Variants in DOCK8 observed in about 807,000 individuals in gnomAD.
DOCK8 encodes dedicator of cytokinesis 8.
A neutral mutation model predicts 245.6 loss-of-function variants in DOCK8; 141 were observed. That is an observed-to-expected ratio of 0.57 (90% CI 0.50 to 0.66). The LOEUF (loss-of-function observed/expected upper bound fraction) is 0.66, where lower values mean the gene tolerates loss of function less well. DOCK8 is among the 30% of genes least tolerant of loss of function. The pLI, the probability that DOCK8 is intolerant of heterozygous loss-of-function variation, is 0.00. For missense variants in DOCK8, 2,965 were observed against 2,603.4 expected, an observed-to-expected ratio of 1.14 and a Z score of -3.02; for synonymous variants, 1,168 against 970.2, an observed-to-expected ratio of 1.20 and a Z score of -3.79.
At chr9:322,997 G>C (rs1425688309) in intron 7 of DOCK8, among the ~76,000 whole-genome samples, 1 of 151,452 alleles carries the variant, frequency 6.6e-6, no homozygotes, top group Non-Finnish European at 1.5e-5. Context: ...GGAGGCTGAG[G>C]CCGAAGAATC....
intron 1 of DOCK8, among the ~76,000 whole-genome samples, chr9:245,551 A>G (rs2131433878): frequency 6.6e-6 from 1 of 152,194 alleles, no homozygotes; most frequent in South Asian, 2.1e-4. Context: ...CCCTCAGAAT[A>G]CATCTCTAAT....
intron 7 of DOCK8, among the ~76,000 whole-genome samples, chr9:322,739 G>A (rs930928620): frequency 2.6e-5 from 4 of 152,174 alleles, no homozygotes; most frequent in Non-Finnish European, 2.9e-5. Flanking sequence ...GTAGTAGGGA[G>A]TAAACAATTA....
intron 1 of DOCK8, among the ~76,000 whole-genome samples, chr9:250,183 G>C (rs975939381): frequency 2.0e-5 from 3 of 152,250 alleles, no homozygotes; most frequent in Non-Finnish European, 2.9e-5. Flanking sequence ...GAGGGCAAGA[G>C]AGGGCTGAGT....
At chr9:377,450 A>C (rs953476765) in intron 20 of DOCK8, among the ~76,000 whole-genome samples, 3 of 152,222 alleles carry the variant, frequency 2.0e-5, no homozygotes, top group African/African-American at 7.2e-5. Context: ...AACTTTATTA[A>C]ATGATTATAG....
rs1185078111 is a variant in DOCK8 at position 271,698 on chromosome 9, T to G, written c.125T>G (p.Ile42Arg). The G allele has an allele frequency of 6.4e-7, 1 of 1,551,884 alleles. No individual in the cohort carries two copies. The highest frequency in any genetic ancestry group is 1.4e-5 in the African/African-American group (1 of 73,168). Reference sequence around the variant, plus strand: ...CTTGGCCAGTACCATCGACAGAGCATAAGTACCTCTGGCTTCCCCTCTCTT... The same window carrying G: ...CTTGGCCAGTACCATCGACAGAGCAGAAGTACCTCTGGCTTCCCCTCTCTT... ...PNLGQYHRQS[I>R]STSGFPSLQL... Residue 42 changes from isoleucine to arginine, a missense_variant, in exon 2 of 48, where the codon ATA becomes AGA. Ile to Arg is a moderately conservative substitution (Grantham distance 97). Transcript: ENST00000432829.
chr9:415,687 C>T (rs75155155), intron 29 of DOCK8, among the ~76,000 whole-genome samples: 25,750 of 148,980 alleles, frequency 0.17, 2,906 homozygotes, highest in East Asian at 0.51. Flanking sequence ...CGTGTGTGCG[C>T]GCGTGCACAC....
At chr9:292,387 C>CAAAAA (rs5895837) in intron 4 of DOCK8, among the ~76,000 whole-genome samples, 1,015 of 63,036 alleles carry the variant, frequency 0.016, 268 homozygotes, top group Non-Finnish European at 0.019. Flanking sequence ...AACTCCGTCT[C>CAAAAA]AAAAAAAAAA....
chr9:396,710 T>C, intron 24 of DOCK8, 75 bp from the exon 25 acceptor site: 2 of 1,585,882 alleles, frequency 1.3e-6, no homozygotes, highest in Non-Finnish European at 1.7e-6. Flanking sequence ...TTTCTGTGAG[T>C]CTTTCCCCCT....
At chr9:402,517 C>T (rs2131505669) in intron 26 of DOCK8, among the ~76,000 whole-genome samples, 1 of 152,320 alleles carries the variant, frequency 6.6e-6, no homozygotes, top group Non-Finnish European at 1.5e-5. Flanking sequence ...GGCACTCAGG[C>T]CTCAGAAGGT....
At chr9:403,369 G>C (rs555254851) in intron 26 of DOCK8, among the ~76,000 whole-genome samples, 1 of 152,228 alleles carries the variant, frequency 6.6e-6, no homozygotes, top group Non-Finnish European at 1.5e-5. Context: ...CAATGTGCTG[G>C]TGGCTCCACT....
chr9:274,606 C>T (rs16926817), intron 2 of DOCK8, among the ~76,000 whole-genome samples: 4 of 151,588 alleles, frequency 2.6e-5, no homozygotes, highest in Non-Finnish European at 4.4e-5. Context: ...GTCATCGTCC[C>T]GAATGAAGGT....
chr9:216,124 G>A (rs561921), intron 1 of DOCK8, among the ~76,000 whole-genome samples: 125,059 of 152,206 alleles, frequency 0.82, 52,150 homozygotes, highest in East Asian at 0.96. Flanking sequence ...CACTTGATAC[G>A]TGACTGCCAG....
At chr9:403,193 A>G (rs1441625727) in intron 26 of DOCK8, among the ~76,000 whole-genome samples, 1 of 152,144 alleles carries the variant, frequency 6.6e-6, no homozygotes, top group Non-Finnish European at 1.5e-5. Flanking sequence ...CCAGCCTGAA[A>G]TGTCTGTCTT....
chr9:425,378 A>G (rs1271604727), intron 33 of DOCK8, among the ~76,000 whole-genome samples: 3 of 152,022 alleles, frequency 2.0e-5, no homozygotes, highest in Non-Finnish European at 2.9e-5. Flanking sequence ...TAAAAATACA[A>G]AAAAGTAGCC....
chr9:268,168 C>A (rs771622242), intron 1 of DOCK8: 2 of 152,184 alleles, frequency 1.3e-5, no homozygotes, highest in African/African-American at 2.4e-5. Flanking sequence ...TGAAGCAATT[C>A]TTTTCCACGT....
chr9:300,019 C>CAAA (rs71312802), intron 4 of DOCK8, among the ~76,000 whole-genome samples: 6 of 132,868 alleles, frequency 4.5e-5, no homozygotes, highest in Admixed American at 7.5e-5. Context: ...GACTCCGTCT[C>CAAA]AAAAAAAAAA....
At chr9:287,696 A>G (rs1309359877) in intron 3 of DOCK8, among the ~76,000 whole-genome samples, 3 of 152,236 alleles carry the variant, frequency 2.0e-5, no homozygotes, top group African/African-American at 7.2e-5. Context: ...TTCCCAGGAA[A>G]GAAAAACATT....
intron 1 of DOCK8, among the ~76,000 whole-genome samples, chr9:260,992 C>T (rs1164387296): frequency 6.6e-6 from 1 of 150,964 alleles, no homozygotes; most frequent in Non-Finnish European, 1.5e-5. Context: ...CAGAAGGAAA[C>T]ACAAGAAATT....
intron 1 of DOCK8, among the ~76,000 whole-genome samples, chr9:227,530 T>G (rs914684388): frequency 1.3e-5 from 2 of 152,174 alleles, no homozygotes; most frequent in African/African-American, 4.8e-5. Context: ...GTAAAGATGA[T>G]TAAAGCAGAG....
Sources: allele counts gnomAD v4.1 joint callset (sites outside exome capture counted in the v4.1 genomes callset), GRCh38; gene constraint gnomAD v4.1.1; transcripts MANE v1.5; gene names NCBI Gene and HGNC (gene_info 2026-07-23, HGNC 2026-07-21).